ASB3: variants seen among roughly 807,000 people sequenced by gnomAD.
ASB3 encodes the protein ankyrin repeat and SOCS box protein 3.
In ASB3, 41 loss-of-function variants were observed where a neutral mutation model predicts 54.5. The observed-to-expected ratio is 0.75, with a 90% CI of 0.59 to 0.98. The LOEUF (loss-of-function observed/expected upper bound fraction) is 0.98, where lower values mean the gene tolerates loss of function less well. Among genes scored for constraint, ASB3 ranks in the 50% least tolerant of loss-of-function variants. The pLI, the probability that ASB3 is intolerant of heterozygous loss-of-function variation, is 0.00. For missense variants in ASB3, 733 were observed against 620.0 expected, an observed-to-expected ratio of 1.18 and a Z score of -1.94; for synonymous variants, 266 against 221.2, an observed-to-expected ratio of 1.20 and a Z score of -1.80.
chr2:53,710,645 T>A (rs1670042423), intron 7 of ASB3, among the ~76,000 whole-genome samples: 1 of 152,198 alleles, frequency 6.6e-6, no homozygotes, highest in South Asian at 2.1e-4. Context: ...AGCTTTTTGG[T>A]TTGTTTATTT....
chr2:53,693,969 A>G lies in ASB3; in HGVS notation c.1284T>C (p.Phe428=). 1 of 1,613,642 alleles carries G rather than the reference A, an allele frequency of 6.2e-7. No homozygotes were observed. The highest frequency in any genetic ancestry group is 8.5e-7 in the Non-Finnish European group (1 of 1,179,618). ...CTGGTGCAAGTGTCTTCCAATTAGT[A>G]AACTCCAAAGTGAAGATAAGGGTGT... ...SIDTLIFTLE[F]TNWKTLAPAV... is the part of the protein sequence containing the mutation. Residue 428 remains phenylalanine, a synonymous_variant, in exon 9 of 10, where the codon TTT becomes TTC. Transcript: ENST00000263634.
At chr2:53,683,141 G>A (rs1668464672) in intron 9 of ASB3, among the ~76,000 whole-genome samples, 2 of 152,156 alleles carry the variant, frequency 1.3e-5, no homozygotes, top group South Asian at 2.1e-4. Flanking sequence ...ACTGAATTGA[G>A]GCATACCCGG....
intron 2 of ASB3, among the ~76,000 whole-genome samples, chr2:53,762,726 C>G (rs1336294051): frequency 6.6e-6 from 1 of 152,172 alleles, no homozygotes; most frequent in African/African-American, 2.4e-5. Flanking sequence ...CCATTACACC[C>G]AACCTCCAAT....
chr2:53,715,662 C>G (rs115675403), intron 6 of ASB3, among the ~76,000 whole-genome samples: 15,450 of 152,024 alleles, frequency 0.1, 941 homozygotes, highest in Non-Finnish European at 0.14. Context: ...TGTCTCTTAA[C>G]TTTAATAAAT....
intron 3 of ASB3, among the ~76,000 whole-genome samples, chr2:53,736,857 G>T (rs529578933): frequency 6.6e-6 from 1 of 152,010 alleles, no homozygotes; most frequent in South Asian, 2.1e-4. Flanking sequence ...CAGGTGTGGT[G>T]GTGCATGCCT....
intron 2 of ASB3, among the ~76,000 whole-genome samples, chr2:53,759,277 G>A (rs779587158): frequency 6.6e-6 from 1 of 152,198 alleles, no homozygotes; most frequent in Non-Finnish European, 1.5e-5. Flanking sequence ...GGAAAACTAG[G>A]AGGAAGACTA....
chr2:53,753,066 G>T (rs1361679474), intron 2 of ASB3, among the ~76,000 whole-genome samples: 1 of 151,852 alleles, frequency 6.6e-6, no homozygotes, highest in Non-Finnish European at 1.5e-5. Context: ...AATCAACCAG[G>T]AGGTAAAAGG....
chr2:53,761,092 A>C (rs1291369095), intron 2 of ASB3, among the ~76,000 whole-genome samples: 1 of 152,114 alleles, frequency 6.6e-6, no homozygotes, highest in East Asian at 1.9e-4. Flanking sequence ...TACTGTTGAG[A>C]GGGGGGACTG....
intron 8 of ASB3, among the ~76,000 whole-genome samples, chr2:53,697,781 A>T (rs1669266555): frequency 6.6e-6 from 1 of 152,210 alleles, no homozygotes; most frequent in South Asian, 2.1e-4. Context: ...ACTCCACTTC[A>T]GGGCTTCCTG....
intron 7 of ASB3, among the ~76,000 whole-genome samples, chr2:53,704,155 G>A (rs1166934490): frequency 6.6e-6 from 1 of 152,086 alleles, no homozygotes; most frequent in Non-Finnish European, 1.5e-5. Flanking sequence ...GAGGCCAGGA[G>A]TTTGAGACCA....
intron 1 of ASB3, among the ~76,000 whole-genome samples, chr2:53,769,153 C>T (rs534448341): frequency 6.6e-6 from 1 of 152,170 alleles, no homozygotes; most frequent in Non-Finnish European, 1.5e-5. Flanking sequence ...CAAAGTATCT[C>T]CAAGAATGTT....
intron 7 of ASB3, among the ~76,000 whole-genome samples, chr2:53,705,627 G>C (rs915288941): frequency 6.6e-6 from 1 of 151,988 alleles, no homozygotes; most frequent in Non-Finnish European, 1.5e-5. Context: ...TCCAATAATA[G>C]GAAGTTTTTG....
intron 7 of ASB3, among the ~76,000 whole-genome samples, chr2:53,709,898 C>A (rs1669994386): frequency 6.6e-6 from 1 of 152,170 alleles, no homozygotes; most frequent in Non-Finnish European, 1.5e-5. Context: ...TAGACCTCTT[C>A]CTCTGAGGGA....
At chr2:53,752,102 T>C (rs904373108) in intron 2 of ASB3, among the ~76,000 whole-genome samples, 11 of 152,222 alleles carry the variant, frequency 7.2e-5, no homozygotes, top group African/African-American at 2.7e-4. Flanking sequence ...GATTGGCTCC[T>C]AAATGGAAAA....
At chr2:53,783,741 C>T (rs1244391569) in intron 1 of ASB3, among the ~76,000 whole-genome samples, 1 of 152,122 alleles carries the variant, frequency 6.6e-6, no homozygotes, top group Non-Finnish European at 1.5e-5. Flanking sequence ...AGTCTATTCC[C>T]AAGCTATCAT....
In ASB3 at chr2:53,700,241, G is replaced by A. The variant is rs779564973; in HGVS notation, c.1238+30C>T. On this transcript the variant is annotated intron_variant, in intron 8 of 9. Transcript: ENST00000263634. Reference sequence around the variant, plus strand: ...AAAGGTAGTATATTCACTCAAAAAGGGTAAGCCCGACTATGGTAGAATTTC... The same window carrying A: ...AAAGGTAGTATATTCACTCAAAAAGAGTAAGCCCGACTATGGTAGAATTTC... The A allele has an allele frequency of 3.1e-6, 5 of 1,598,812 alleles. No homozygotes were observed. In the East Asian group the frequency reaches 1.1e-4, roughly 36 times the overall value.
At chr2:53,772,903 G>A (rs1465030666) in intron 1 of ASB3, among the ~76,000 whole-genome samples, 1 of 151,908 alleles carries the variant, frequency 6.6e-6, no homozygotes, top group Non-Finnish European at 1.5e-5. Flanking sequence ...TAGAACCTGT[G>A]ATTTTAAAAC....
intron 1 of ASB3, among the ~76,000 whole-genome samples, chr2:53,776,372 G>A (rs893490350): frequency 2.0e-5 from 3 of 152,158 alleles, no homozygotes; most frequent in Non-Finnish European, 2.9e-5. Context: ...TGATAAATGT[G>A]CTTTAAAATT....
chr2:53,715,860 T>C (rs1442657472), intron 6 of ASB3, among the ~76,000 whole-genome samples: 4 of 152,194 alleles, frequency 2.6e-5, no homozygotes, highest in African/African-American at 9.6e-5. Flanking sequence ...CTATTACTTT[T>C]TAAATTAAAT....
Sources: allele counts gnomAD v4.1 joint callset (sites outside exome capture counted in the v4.1 genomes callset), GRCh38; gene constraint gnomAD v4.1.1; transcripts MANE v1.5; gene names NCBI Gene and HGNC (gene_info 2026-07-23, HGNC 2026-07-21).